RBFOX1: variants seen among roughly 807,000 people sequenced by gnomAD.
RBFOX1 encodes RNA binding protein fox-1 homolog 1.
Under a neutral mutation model 57.7 loss-of-function variants are expected in RBFOX1, and 8 were observed. The observed-to-expected ratio is 0.14, with a 90% CI of 0.08 to 0.25. The LOEUF is 0.25. Among genes scored for constraint, RBFOX1 ranks in the 10% least tolerant of loss-of-function variants. The pLI is 1.00. For synonymous variants in RBFOX1, 326 were observed against 222.4 expected, an observed-to-expected ratio of 1.47 and a Z score of -4.15; for missense variants, 611 against 548.5, an observed-to-expected ratio of 1.11 and a Z score of -1.14.
At chr16:6,991,136 CAAAAAAA>C (rs35889519) in intron 3 of RBFOX1, among the ~76,000 whole-genome samples, 1,164 of 53,082 alleles carry the variant, frequency 0.022, 21 homozygotes, top group African/African-American at 0.072. Context: ...ATTGTCTCTC[CAAAAAAA>C]AAAAAAAAAA....
intron 1 of RBFOX1, among the ~76,000 whole-genome samples, chr16:6,183,573 A>G (rs1411074883): frequency 3.3e-5 from 5 of 152,144 alleles, no homozygotes; most frequent in Admixed American, 2.6e-4. Flanking sequence ...ATGCTGTTAT[A>G]TATGAGAGAG....
chr16:7,370,172 C>T (rs981589377), intron 4 of RBFOX1, among the ~76,000 whole-genome samples: 7 of 152,178 alleles, frequency 4.6e-5, no homozygotes, highest in African/African-American at 1.7e-4. Flanking sequence ...CAGTAGCACC[C>T]CTTCCCTCAT....
At chr16:6,832,098 T>A (rs2092748747) in intron 3 of RBFOX1, among the ~76,000 whole-genome samples, 1 of 152,224 alleles carries the variant, frequency 6.6e-6, no homozygotes, top group Non-Finnish European at 1.5e-5. Context: ...TGAATGCTAT[T>A]TATTATGTTA....
chr16:5,529,858 G>A (rs576013591), intron 2 of RBFOX1, among the ~76,000 whole-genome samples: 154 of 152,182 alleles, frequency 1.0e-3, no homozygotes, highest in African/African-American at 3.6e-3. Flanking sequence ...ATGAGCCATC[G>A]TGCCTGTCCT....
At chr16:5,502,445 G>A (rs1486344132) in intron 2 of RBFOX1, among the ~76,000 whole-genome samples, 2 of 152,278 alleles carry the variant, frequency 1.3e-5, no homozygotes, top group South Asian at 2.1e-4. Context: ...GGACATGGAG[G>A]TTGGACCTCA....
intron 4 of RBFOX1, among the ~76,000 whole-genome samples, chr16:5,879,945 T>C (rs2057722239): frequency 6.6e-6 from 1 of 152,178 alleles, no homozygotes; most frequent in African/African-American, 2.4e-5. Flanking sequence ...GTCCGCCAGC[T>C]AGAACGTATC....
chr16:7,390,410 G>C (rs2097982267), intron 4 of RBFOX1, among the ~76,000 whole-genome samples: 1 of 152,172 alleles, frequency 6.6e-6, no homozygotes, highest in South Asian at 2.1e-4. Flanking sequence ...TCGATACTTG[G>C]AGTCAGAAGA....
chr16:7,266,932 G>A (rs144986890), intron 4 of RBFOX1, among the ~76,000 whole-genome samples: 265 of 152,144 alleles, frequency 1.7e-3, no homozygotes, highest in Non-Finnish European at 2.9e-3. Flanking sequence ...GAGACTGGAA[G>A]ACTGAGCAAT....
intron 2 of RBFOX1, among the ~76,000 whole-genome samples, chr16:6,566,766 C>A (rs993427748): frequency 6.6e-6 from 1 of 152,206 alleles, no homozygotes; most frequent in South Asian, 2.1e-4. Context: ...GTTTGACAAG[C>A]ATGCTTACCC....
intron 4 of RBFOX1, among the ~76,000 whole-genome samples, chr16:7,384,077 A>C (rs1253743524): frequency 6.6e-6 from 1 of 151,956 alleles, no homozygotes; most frequent in African/African-American, 2.4e-5. Context: ...AAGTATCCCA[A>C]GTATGAGAAA....
chr16:5,607,476 C>A (rs1225058924), intron 3 of RBFOX1, among the ~76,000 whole-genome samples: 1 of 152,140 alleles, frequency 6.6e-6, no homozygotes, highest in African/African-American at 2.4e-5. Context: ...TTCCCCTAAT[C>A]TCTGAGGATG....
At chr16:5,400,891 C>A (rs761313513) in intron 1 of RBFOX1, among the ~76,000 whole-genome samples, 2 of 151,946 alleles carry the variant, frequency 1.3e-5, no homozygotes, top group Non-Finnish European at 2.9e-5. Context: ...CACTAATGTT[C>A]CATTTTTGTT....
intron 3 of RBFOX1, among the ~76,000 whole-genome samples, chr16:6,692,293 CCT>C (rs34999956): frequency 0.16 from 23,552 of 151,748 alleles, 1,991 homozygotes; most frequent in Middle Eastern, 0.21. Context: ...TGGATTCATA[CCT>C]CTCTAACATT....
intron 1 of RBFOX1, among the ~76,000 whole-genome samples, chr16:6,310,306 C>G (rs1163120232): frequency 2.6e-5 from 4 of 152,184 alleles, no homozygotes; most frequent in Non-Finnish European, 5.9e-5. Flanking sequence ...TCAGTGAGCA[C>G]TTACTACGTG....
intron 1 of RBFOX1, among the ~76,000 whole-genome samples, chr16:5,436,070 AT>A (rs996698670): frequency 7.2e-5 from 11 of 152,196 alleles, no homozygotes; most frequent in African/African-American, 2.7e-4. Flanking sequence ...CCGTCTTCAT[AT>A]TTGGCCTCCC....
chr16:6,154,928 CA>C (rs1446913248), intron 1 of RBFOX1, among the ~76,000 whole-genome samples: 5 of 152,114 alleles, frequency 3.3e-5, no homozygotes, highest in Non-Finnish European at 7.4e-5. Context: ...AATTAGCAAG[CA>C]ACTATATTTT....
At chr16:6,268,302 T>A (rs1472194220) in intron 1 of RBFOX1, among the ~76,000 whole-genome samples, 1 of 152,228 alleles carries the variant, frequency 6.6e-6, no homozygotes. Flanking sequence ...GCAGGTCGAA[T>A]GGAGGAGAAC....
intron 2 of RBFOX1, among the ~76,000 whole-genome samples, chr16:6,388,991 G>A (rs2092451500): frequency 6.6e-6 from 1 of 152,154 alleles, no homozygotes; most frequent in Non-Finnish European, 1.5e-5. Flanking sequence ...CCTGGATCCA[G>A]CTAAGCCTTA....
intron 3 of RBFOX1, among the ~76,000 whole-genome samples, chr16:6,811,037 G>C (rs913064119): frequency 6.6e-6 from 1 of 152,164 alleles, no homozygotes; most frequent in Non-Finnish European, 1.5e-5. Flanking sequence ...CAGAAAAACT[G>C]ATGATGATAA....
Sources: allele counts gnomAD v4.1 joint callset (sites outside exome capture counted in the v4.1 genomes callset), GRCh38; gene constraint gnomAD v4.1.1; transcripts MANE v1.5; gene names NCBI Gene and HGNC (gene_info 2026-07-23, HGNC 2026-07-21).